The following IL3RA variants were observed in gnomAD, a reference collection of about 807,000 sequenced individuals.
The protein encoded by IL3RA is interleukin 3 receptor subunit alpha.
IL3RA carries 73 observed loss-of-function variants against 52.3 expected under a neutral mutation model. That is an observed-to-expected ratio of 1.40 (90% CI 1.16 to 1.70). The LOEUF is 1.70. Ranked by LOEUF, IL3RA falls within the 40% of genes most tolerant of loss-of-function variation. The pLI, the probability that IL3RA is intolerant of heterozygous loss-of-function variation, is 0.00. For synonymous variants in IL3RA, 260 were observed against 194.0 expected (o/e 1.34, Z -2.83); for missense variants, 664 against 504.4 (o/e 1.32, Z -3.03).
chrX:1,356,420 G>C (rs1362864776), intron 7 of IL3RA, 84 bp downstream of exon 7: 14 of 776,520 alleles, frequency 1.8e-5, no homozygotes, highest in Non-Finnish European at 2.5e-5. Flanking sequence ...GCCTTGAAAC[G>C]GGCAACAATC....
At position 1,363,907 on chromosome X, in the gene IL3RA, G is replaced by A. The variant is rs1225673849; in HGVS notation, c.760-1231G>A. 2.0e-5 allele frequency among the ~76,000 whole-genome samples: 3 copies of A among 152,014 alleles called. No homozygotes were observed. In the East Asian group the frequency reaches 5.9e-4, roughly 30 times the overall value. ...CTCATTTAAAAAAAAATTTGGCTGGGCGCGGTGGCTCACGCTGGTAATCCC... is the reference window on the plus strand; with the variant it reads ...CTCATTTAAAAAAAAATTTGGCTGGACGCGGTGGCTCACGCTGGTAATCCC... On this transcript the variant is annotated intron_variant, in intron 8 of 11. Transcript: ENST00000331035.
At chrX:1,367,680 AGCGGGGTGC>A (rs1748112695) in intron 9 of IL3RA, among the ~76,000 whole-genome samples, 2 of 82,324 alleles carry the variant, frequency 2.4e-5, no homozygotes, top group South Asian at 4.8e-4. Context: ...GCGCGGGGTG[AGCGGGGTGC>A]GCGGGGTGAG....
At position 1,382,142 on chromosome X, in the gene IL3RA, G is replaced by A. The variant is rs574437953; in HGVS notation, c.1063-249G>A. Among the ~76,000 whole-genome samples the A allele has an allele frequency of 4.2e-4, 63 of 150,254 alleles. 1 individual carries two copies. In the South Asian group the frequency reaches 6.7e-3, roughly 16 times the overall value. ...AATTCTGCATTTTTAGTAGAGAAGG[G>A]GTTTCACCATGTTGGCCAGGATGGT... On this transcript the variant is annotated intron_variant, in intron 11 of 11. Coordinates refer to ENST00000331035, the MANE Select transcript of IL3RA (RefSeq NM_002183.4).
In IL3RA at chrX:1,382,486, G is replaced by A. The variant is rs1464423510; in HGVS notation, c.*21G>A. The A allele has an allele frequency of 6.2e-7, 1 of 1,611,184 alleles. No individual in the cohort carries two copies. The highest frequency in any genetic ancestry group is 2.2e-5 in the East Asian group (1 of 44,864). ...CTTGAGACTGGGGTTCAGGGCTTGT[G>A]GGGGTCTGCCTCAATCTCCCTGGCC... On this transcript the variant is annotated 3_prime_UTR_variant, in exon 12 of 12. Transcript: ENST00000331035.
chrX:1,381,261 G>C (rs1337700392), intron 11 of IL3RA, among the ~76,000 whole-genome samples, 157 bp downstream of exon 11: 6 of 152,158 alleles, frequency 3.9e-5, no homozygotes, highest in Non-Finnish European at 8.8e-5. Flanking sequence ...AGCCGGGTGT[G>C]GTGGCGGGCG....
chrX:1,356,334 A>G lies in IL3RA; in HGVS notation c.730A>G (p.Lys244Glu), dbSNP rs1402901526. The change falls in exon 7 of 12, where the codon AAG becomes GAG. Residue 244 changes from lysine to glutamate, a missense_variant and splice_region_variant. Transcript: ENST00000331035. ...ATTTCGCTATGAGCTTCAGATACAA[A>G]AGGTAAACTTTCACCCCGCCCCCAG... Reference protein sequence around the residue: ...RKFRYELQIQKRMQPVITEQV... With the variant: ...RKFRYELQIQERMQPVITEQV... 3.1e-6 allele frequency: 5 copies of G among 1,604,024 alleles called. No homozygotes were observed. The highest frequency in any genetic ancestry group is 3.4e-6 in the Non-Finnish European group (4 of 1,171,192).
chrX:1,378,855 AT>A, intron 10 of IL3RA, 91 bp downstream of exon 10: 1 of 1,203,588 alleles, frequency 8.3e-7, no homozygotes, highest in Non-Finnish European at 1.2e-6. Context: ...TATCATTATT[AT>A]TTTTGTGATG....
In IL3RA at chrX:1,343,979, C is replaced by G. The variant is rs192413729; in HGVS notation, c.65-1337C>G. On this transcript the variant is annotated intron_variant, in intron 2 of 11. Transcript: ENST00000331035. ...CCCAACTAATTTTTGTATTTTTAGT[C>G]GCGACGGGGTTTCACCGTGTTAGCC... is the stretch of plus-strand genomic sequence containing the variant. 7.7e-4 allele frequency among the ~76,000 whole-genome samples: 116 copies of G among 151,500 alleles called. No individual in the cohort carries two copies. In the Middle Eastern group the frequency reaches 0.01, roughly 13 times the overall value.
chrX:1,341,916 A>C, intron 2 of IL3RA, 87 bp downstream of exon 2: 1 of 1,409,374 alleles, frequency 7.1e-7, no homozygotes, highest in South Asian at 1.2e-5. Flanking sequence ...TCCTTCAGGG[A>C]AACTTTTCAT....
Position 1,343,311 on chromosome X carries a change from C to G in IL3RA, c.64+1482C>G, listed in dbSNP as rs145487624. 3.5e-3 allele frequency among the ~76,000 whole-genome samples: 535 copies of G among 152,050 alleles called. 23 individuals are homozygous for G. The East Asian group carries it at 0.084, about 24-fold the overall frequency. On this transcript the variant is annotated intron_variant, in intron 2 of 11. Coordinates refer to ENST00000331035, the MANE Select transcript of IL3RA (RefSeq NM_002183.4). ...CTAAGTGGCCGATCAGAGATAAACC[C>G]TAGAGAAATAGTTGATGTATGTTTC...
intron 3 of IL3RA, among the ~76,000 whole-genome samples, chrX:1,347,920 C>G (rs776524497): frequency 6.6e-6 from 1 of 151,132 alleles, no homozygotes; most frequent in Admixed American, 6.6e-5. Flanking sequence ...GCCTGTAGTC[C>G]CAGCTACTTG....
chrX:1,365,262 C>CTGTGCGGGG lies in IL3RA; in HGVS notation c.874+13_874+21dup, dbSNP rs754470168. 1 of 1,518,088 alleles carries CTGTGCGGGG rather than the reference C, an allele frequency of 6.6e-7. No homozygotes were observed. The highest frequency in any genetic ancestry group is 9.0e-7 in the Non-Finnish European group (1 of 1,115,458). 94.0% of individuals were successfully genotyped at this position (1,518,088 alleles called of 1,614,324 possible). On this transcript the variant is annotated intron_variant, in intron 9 of 11. Coordinates refer to ENST00000331035, the MANE Select transcript of IL3RA (RefSeq NM_002183.4). ...ACCCCCCAGCGCTTCGGTGAGTGGG[C>CTGTGCGGGG]TGTGCGGGGTGCGCGGGGTGAGCGG...
intron 3 of IL3RA, among the ~76,000 whole-genome samples, chrX:1,347,444 C>T (rs1569520294): frequency 6.8e-6 from 1 of 147,958 alleles, no homozygotes; most frequent in African/African-American, 2.6e-5. Context: ...GACTCTGTCT[C>T]AAAAAAACAA....
chrX:1,365,049 T>C (rs1569525950), intron 8 of IL3RA, 89 bp from the exon 9 acceptor site: 5 of 841,428 alleles, frequency 5.9e-6, no homozygotes, highest in Admixed American at 4.0e-5. Context: ...CCTCAGGTGA[T>C]CCACCTGCCT....
chrX:1,356,486 A>C, intron 7 of IL3RA, 150 bp downstream of exon 7: 3 of 617,312 alleles, frequency 4.9e-6, no homozygotes, highest in East Asian at 2.9e-5. Context: ...ACAAAAACAA[A>C]AGGCCGGGCG....
Position 1,345,360 on chromosome X carries a change from C to T in IL3RA, c.109C>T (p.Gln37Ter), listed in dbSNP as rs758732452. ...GAACCTAAGGATGAAAGCAAAGGCT[C>T]AGCAGTTGACCTGGGACCTTAACAG... ...ITNLRMKAKA[Q>*]QLTWDLNRNV... Residue 37 changes from glutamine (Q) to a stop codon, truncating the protein, a stop_gained, in exon 3 of 12, where the codon CAG becomes TAG. Transcript: ENST00000331035. LOFTEE classifies it high-confidence loss of function. 6.2e-7 allele frequency: 1 copy of T among 1,611,658 alleles called. No individual in the cohort carries two copies. Among genetic ancestry groups the T allele is most frequent in the Admixed American group, 1.7e-5 (1 of 59,950 alleles).
chrX:1,380,086 G>A (rs752166210), intron 10 of IL3RA, among the ~76,000 whole-genome samples: 1 of 151,980 alleles, frequency 6.6e-6, no homozygotes, highest in East Asian at 2.0e-4. Context: ...TAGAGACGGA[G>A]TTTCTCCGTG....
chrX:1,358,349 T>C (rs2086895098), intron 7 of IL3RA, among the ~76,000 whole-genome samples: 2 of 151,896 alleles, frequency 1.3e-5, no homozygotes, highest in Admixed American at 1.3e-4. Context: ...ACCAAGGTCT[T>C]GCCACAGTGG....
intron 4 of IL3RA, 89 bp downstream of exon 4, chrX:1,348,634 T>C: frequency 2.6e-6 from 2 of 757,746 alleles, no homozygotes; most frequent in East Asian, 5.3e-5. Flanking sequence ...GTCTTTTTTC[T>C]TTTCTTTTTC....
Sources: gnomAD v4.1 joint callset for allele counts (sites outside exome capture counted in the v4.1 genomes callset) on GRCh38, gnomAD v4.1.1 for gene constraint, MANE v1.5 for transcripts, NCBI Gene and HGNC (gene_info 2026-07-23, HGNC 2026-07-21) for gene names.